FBXL7: variants seen among roughly 807,000 people sequenced by gnomAD.
FBXL7 encodes F-box/LRR-repeat protein 7.
Under a neutral mutation model 38.3 loss-of-function variants are expected in FBXL7, and 12 were observed. That is an observed-to-expected ratio of 0.31 (90% CI 0.20 to 0.51). FBXL7 has a LOEUF of 0.51. FBXL7 is among the 20% of genes least tolerant of loss of function. The pLI is 0.98. For synonymous variants in FBXL7, 297 were observed against 300.9 expected (o/e 0.99, Z 0.13); for missense variants, 567 against 676.4 (o/e 0.84, Z 1.79).
At chr5:15,725,084 C>T (rs1046404305) in intron 2 of FBXL7, among the ~76,000 whole-genome samples, 41 of 152,178 alleles carry the variant, frequency 2.7e-4, no homozygotes, top group Non-Finnish European at 1.0e-4. Flanking sequence ...TTTCTGTGTC[C>T]TCTTGGGTAA....
chr5:15,711,832 C>T (rs1056968236), intron 2 of FBXL7, among the ~76,000 whole-genome samples: 1 of 151,978 alleles, frequency 6.6e-6, no homozygotes, highest in East Asian at 1.9e-4. Context: ...AGTTGAGAAA[C>T]ATATAAAAAT....
At chr5:15,738,705 C>T (rs1268688217) in intron 2 of FBXL7, among the ~76,000 whole-genome samples, 1 of 152,228 alleles carries the variant, frequency 6.6e-6, no homozygotes, top group African/African-American at 2.4e-5. Flanking sequence ...GAGGAGTCCC[C>T]TACAGATCTG....
At chr5:15,879,047 C>T (rs1166634761) in intron 2 of FBXL7, among the ~76,000 whole-genome samples, 3 of 152,182 alleles carry the variant, frequency 2.0e-5, no homozygotes, top group Non-Finnish European at 2.9e-5. Flanking sequence ...GGATAGTTTT[C>T]TGGGTAACAA....
chr5:15,524,455 C>CT (rs1422751018), intron 1 of FBXL7, among the ~76,000 whole-genome samples: 1 of 152,138 alleles, frequency 6.6e-6, no homozygotes, highest in Non-Finnish European at 1.5e-5. Flanking sequence ...TTTTAATTTC[C>CT]TTTTTCTCTT....
intron 2 of FBXL7, among the ~76,000 whole-genome samples, chr5:15,788,611 G>A (rs112649263): frequency 2.2e-4 from 34 of 151,846 alleles, no homozygotes; most frequent in Non-Finnish European, 4.3e-4. Context: ...TAGGTCCTAT[G>A]CCCTTTGCTG....
At position 15,758,169 on chromosome 5, in the gene FBXL7, C is replaced by G. The variant is rs370995960; in HGVS notation, c.127+142097C>G. Among the ~76,000 whole-genome samples, 34 of 152,004 alleles carry G rather than the reference C, an allele frequency of 2.2e-4. 1 individual carries two copies. The South Asian group carries it at 6.9e-3, about 31-fold the overall frequency. On this transcript the variant is annotated intron_variant, in intron 2 of 3. Transcript: ENST00000504595. ...ACCATCAGAATATTTTTAAAATCGC[C>G]TCATATCTTACTAAAAAAGAAATAA...
chr5:15,617,119 A>G (rs2126520755), intron 2 of FBXL7, among the ~76,000 whole-genome samples: 1 of 152,340 alleles, frequency 6.6e-6, no homozygotes, highest in African/African-American at 2.4e-5. Flanking sequence ...ATCTGCTGGT[A>G]TGTATACGTC....
chr5:15,671,230 G>A (rs1178484381), intron 2 of FBXL7, among the ~76,000 whole-genome samples: 8 of 152,136 alleles, frequency 5.3e-5, no homozygotes, highest in East Asian at 1.9e-4. Flanking sequence ...TTACAAGGTC[G>A]TGTAGAATGA....
intron 2 of FBXL7, among the ~76,000 whole-genome samples, chr5:15,876,439 A>G (rs534063254): frequency 6.6e-6 from 1 of 152,218 alleles, no homozygotes; most frequent in South Asian, 2.1e-4. Flanking sequence ...TAAACTAGAT[A>G]CTTATTATGT....
At chr5:15,757,380 G>A (rs2126693720) in intron 2 of FBXL7, among the ~76,000 whole-genome samples, 1 of 152,184 alleles carries the variant, frequency 6.6e-6, no homozygotes, top group Non-Finnish European at 1.5e-5. Flanking sequence ...TGCATTTCTT[G>A]AAGAATGCTT....
chr5:15,914,645 A>C (rs1232005997), intron 2 of FBXL7, among the ~76,000 whole-genome samples: 1 of 152,192 alleles, frequency 6.6e-6, no homozygotes, highest in African/African-American at 2.4e-5. Context: ...AATATTGATA[A>C]ATCACAGAAA....
chr5:15,697,661 T>A (rs895612362), intron 2 of FBXL7, among the ~76,000 whole-genome samples: 1 of 152,036 alleles, frequency 6.6e-6, no homozygotes, highest in African/African-American at 2.4e-5. Context: ...TTGACAGACT[T>A]TCTGCACACA....
rs555892143 is a variant in FBXL7, at chr5:15,649,123, A to G, written c.127+33051A>G. On this transcript the variant is annotated intron_variant, in intron 2 of 3. Transcript: ENST00000504595. The stretch of plus-strand genomic sequence containing the variant: ...GCTATTCTTGTGCCTCAGCCTCCCA[A>G]GTAGCTGGAACTACAGGCATAAGCC... Among the ~76,000 whole-genome samples the G allele has an allele frequency of 8.5e-5, 13 of 152,164 alleles. 1 individual carries two copies. The highest frequency in any genetic ancestry group is 1.8e-4 in the Non-Finnish European group (12 of 68,000).
At position 15,914,407 on chromosome 5, in the gene FBXL7, G is replaced by T. The variant is rs553851208; in HGVS notation, c.128-13483G>T. ...TCTCAAAAAAAAAAAAAAAAAAAAG[G>T]AATGAGCAGGGATCTGGATAATCTA... On this transcript the variant is annotated intron_variant, in intron 2 of 3. Coordinates refer to ENST00000504595, the MANE Select transcript of FBXL7 (RefSeq NM_012304.5). Among the ~76,000 whole-genome samples, 636 of 145,054 alleles carry T rather than the reference G, an allele frequency of 4.4e-3. 1 individual carries two copies. Among genetic ancestry groups the T allele is most frequent in the Middle Eastern group, 7.2e-3 (2 of 276 alleles).
chr5:15,656,352 A>G (rs566660817), intron 2 of FBXL7, among the ~76,000 whole-genome samples: 1 of 152,318 alleles, frequency 6.6e-6, no homozygotes, highest in Admixed American at 6.5e-5. Context: ...GGCAATTTAC[A>G]AAAGAAAGGT....
intron 2 of FBXL7, among the ~76,000 whole-genome samples, chr5:15,804,363 A>G (rs561723524): frequency 1.3e-5 from 2 of 152,092 alleles, no homozygotes; most frequent in Non-Finnish European, 2.9e-5. Context: ...CAGCTACTCC[A>G]GAGGCCGAGG....
At chr5:15,859,417 A>G (rs903313828) in intron 2 of FBXL7, among the ~76,000 whole-genome samples, 2 of 152,166 alleles carry the variant, frequency 1.3e-5, no homozygotes, top group African/African-American at 4.8e-5. Flanking sequence ...TACTGAGTAA[A>G]GGACAAATTA....
rs1490877614 is a variant in FBXL7, at chr5:15,743,567, G to A, written c.127+127495G>A. On this transcript the variant is annotated intron_variant, in intron 2 of 3. Transcript: ENST00000504595. Reference sequence around the variant, plus strand: ...CAGCTGCTTTCACAGCTGGCATTGAGTGTCTGCAGCTTTTGCAGGAGCACA... The same window carrying A: ...CAGCTGCTTTCACAGCTGGCATTGAATGTCTGCAGCTTTTGCAGGAGCACA... 3.9e-5 allele frequency among the ~76,000 whole-genome samples: 6 copies of A among 152,236 alleles called. 1 individual carries two copies. The highest frequency in any genetic ancestry group is 2.6e-4 in the Admixed American group (4 of 15,292).
chr5:15,683,424 C>G (rs931701461), intron 2 of FBXL7, among the ~76,000 whole-genome samples: 1 of 151,146 alleles, frequency 6.6e-6, no homozygotes, highest in Non-Finnish European at 1.5e-5. Flanking sequence ...CTCTCCGTCA[C>G]CCCCAGGCGG....
Sources: allele counts gnomAD v4.1 joint callset (sites outside exome capture counted in the v4.1 genomes callset), GRCh38; gene constraint gnomAD v4.1.1; transcripts MANE v1.5; gene names NCBI Gene and HGNC (gene_info 2026-07-23, HGNC 2026-07-21).